Variants in TBCD observed in about 807,000 individuals in gnomAD.
TBCD encodes tubulin folding cofactor D, also known as tubulin-specific chaperone D.
TBCD carries 105 observed loss-of-function variants against 169.3 expected under a neutral mutation model. The ratio of observed to expected loss-of-function variants is 0.62; its 90% CI spans 0.53 to 0.73. TBCD has a LOEUF of 0.73. Among genes scored for constraint, TBCD ranks in the 30% least tolerant of loss-of-function variants. The pLI, the probability that TBCD is intolerant of heterozygous loss-of-function variation, is 0.00. For synonymous variants in TBCD, 700 were observed against 643.9 expected (o/e 1.09, Z -1.32); for missense variants, 1,444 against 1,600.1 (o/e 0.90, Z 1.66).
chr17:82,867,123 G>A (rs1320279843), intron 13 of TBCD, among the ~76,000 whole-genome samples: 1 of 152,218 alleles, frequency 6.6e-6, no homozygotes, highest in Non-Finnish European at 1.5e-5. Context: ...CTCCCCTACC[G>A]AGGTCAGGTC....
chr17:82,900,492 T>C (rs2059813568), intron 17 of TBCD, 159 bp from the exon 18 acceptor site: 1 of 622,794 alleles, frequency 1.6e-6, no homozygotes. Context: ...GATGCTCTTT[T>C]CTTTTGGGTA....
In TBCD at chr17:82,832,769, GGAGC is replaced by G. The variant is rs1307787171; in HGVS notation, c.1318+17836_1318+17839del. ...GGGCTGAAACTGCCTGCTCCTGAGGGGAGCAGCTGCCGGTCACAGAAGCAGCCCT... is the reference window on the plus strand; with the variant it reads ...GGGCTGAAACTGCCTGCTCCTGAGGGAGCTGCCGGTCACAGAAGCAGCCCT... On this transcript the variant is annotated intron_variant, in intron 13 of 38. Coordinates refer to ENST00000355528, the MANE Select transcript of TBCD (RefSeq NM_005993.5). The surrounding 1 kb of genome is among the most constrained non-coding windows in gnomAD (Gnocchi z 4.9). The G allele has an allele frequency of 2.3e-6, 1 of 438,906 alleles. No individual in the cohort carries two copies. The highest frequency in any genetic ancestry group is 2.0e-5 in the African/African-American group (1 of 50,270). 27.2% of individuals were successfully genotyped at this position (438,906 alleles called of 1,614,324 possible).
rs1158149434 is a variant in TBCD at position 82,889,673 on chromosome 17, CT to C, written c.1541del (p.Phe514SerfsTer18). The stretch of plus-strand genomic sequence containing the variant: ...GTTTGTTCTTTGCTCCGCAGGCCGC[CT>C]TCCAGGAGAATGTGGGGAGACAGGT... ...INCRRAASAA[F>X]QENVGRQGTF... On this transcript the variant is annotated frameshift_variant, in exon 16 of 39. Transcript: ENST00000355528. LOFTEE classifies it high-confidence loss of function. This position sits in a 1 kb window ranked among gnomAD's most constrained non-coding sequence, Gnocchi z 5.3. 6.2e-7 allele frequency: 1 copy of C among 1,613,834 alleles called. No homozygotes were observed. Among genetic ancestry groups the C allele is most frequent in the Non-Finnish European group, 8.5e-7 (1 of 1,179,830 alleles).
intron 6 of TBCD, among the ~76,000 whole-genome samples, chr17:82,775,624 G>A (rs2048548432): frequency 6.6e-6 from 1 of 151,758 alleles, no homozygotes; most frequent in African/African-American, 2.4e-5. Context: ...AACTGAGCTT[G>A]CCAACATCCA....
chr17:82,862,347 T>C (rs2056840523), intron 13 of TBCD, among the ~76,000 whole-genome samples: 1 of 151,736 alleles, frequency 6.6e-6, no homozygotes, highest in South Asian at 2.1e-4. Flanking sequence ...TGTGGAAGAG[T>C]TGGGTCAGGA....
intron 8 of TBCD, among the ~76,000 whole-genome samples, chr17:82,800,630 C>T (rs2050443179): frequency 6.6e-6 from 1 of 152,140 alleles, no homozygotes; most frequent in Non-Finnish European, 1.5e-5. Flanking sequence ...AGATTGGCTC[C>T]CTGCCCTCTG....
intron 23 of TBCD, among the ~76,000 whole-genome samples, chr17:82,917,169 G>A (rs753501629): frequency 8.6e-5 from 13 of 151,906 alleles, no homozygotes; most frequent in African/African-American, 2.2e-4. Context: ...ACAGGCATGC[G>A]CCACCACACC....
intron 7 of TBCD, chr17:82,795,408 G>A (rs1002290208): frequency 2.1e-5 from 7 of 334,380 alleles, no homozygotes; most frequent in African/African-American, 8.9e-5. Flanking sequence ...TTTGTCCTGC[G>A]TCCGCCCACA....
At chr17:82,791,546 A>C (rs931434231) in intron 7 of TBCD, among the ~76,000 whole-genome samples, 15 of 152,200 alleles carry the variant, frequency 9.9e-5, no homozygotes, top group African/African-American at 3.6e-4. Context: ...GTGGTCACAC[A>C]CACCTGAACG....
intron 34 of TBCD, among the ~76,000 whole-genome samples, chr17:82,936,396 C>T (rs2062630147): frequency 6.6e-6 from 1 of 152,198 alleles, no homozygotes; most frequent in Non-Finnish European, 1.5e-5. Context: ...TCCTTCCGTG[C>T]CCGGTGTTCA....
rs908528720 is a variant in TBCD, at chr17:82,887,178, C to CGT, written c.1534-2489_1534-2488insTG. ...GTGTGTGTGTGTGTGTGCGCGCGCG[C>CGT]GCACGTGCGCTCACGCGTTTACTTC... On this transcript the variant is annotated intron_variant, in intron 15 of 38. Coordinates refer to ENST00000355528, the MANE Select transcript of TBCD (RefSeq NM_005993.5). 3.3e-4 allele frequency among the ~76,000 whole-genome samples: 27 copies of CGT among 81,182 alleles called. 1 individual carries two copies. The highest frequency in any genetic ancestry group is 3.7e-4 in the Non-Finnish European group (15 of 40,182). The allele number at this position is 81,182 out of a possible 152,430, so 53.3% of individuals were successfully genotyped here. A position where few individuals can be genotyped will look rare whatever the true frequency, so the allele number is the denominator to read the frequency against.
intron 4 of TBCD, among the ~76,000 whole-genome samples, chr17:82,767,042 CGGTTTGTGCAGATTGAGCCAGCGA>C (rs951823111): frequency 6.6e-6 from 1 of 152,230 alleles, no homozygotes; most frequent in African/African-American, 2.4e-5. Context: ...GTAAAGCACA[CGGTTTGTGCAGATTGAGCCAGCGA>C]GGGACCTCAT....
intron 6 of TBCD, among the ~76,000 whole-genome samples, chr17:82,775,760 A>T (rs1220358316): frequency 1.3e-5 from 1 of 74,316 alleles, no homozygotes; most frequent in Admixed American, 1.7e-4. Flanking sequence ...GGGAGGGGGG[A>T]GGGATAGCAT....
intron 1 of TBCD, among the ~76,000 whole-genome samples, chr17:82,754,530 C>T (rs1032721366): frequency 1.3e-5 from 2 of 152,220 alleles, no homozygotes; most frequent in African/African-American, 2.4e-5. Flanking sequence ...TACGCCTTAG[C>T]GGAATTCAGG....
At chr17:82,900,447 T>C in intron 17 of TBCD, 1 of 521,514 alleles carries the variant, frequency 1.9e-6, no homozygotes, top group South Asian at 2.7e-5. Flanking sequence ...CACATGAAGC[T>C]GTGTGCACGT....
chr17:82,926,853 C>G, intron 28 of TBCD: 11 of 494,398 alleles, frequency 2.2e-5, no homozygotes, highest in Non-Finnish European at 2.5e-5. Flanking sequence ...CCTGCAGGCA[C>G]ACAAGAGGAG....
intron 11 of TBCD, among the ~76,000 whole-genome samples, chr17:82,809,079 A>G (rs1480052342): frequency 6.6e-6 from 1 of 152,022 alleles, no homozygotes; most frequent in Non-Finnish European, 1.5e-5. Flanking sequence ...AGGGCTGTGC[A>G]GGGGCTCACA....
chr17:82,791,106 T>G (rs1373809920), intron 7 of TBCD, among the ~76,000 whole-genome samples: 1 of 150,428 alleles, frequency 6.6e-6, no homozygotes, highest in Non-Finnish European at 1.5e-5. Context: ...TTTTTTTTTT[T>G]TTTTAGACGG....
rs1252614176 is a variant in TBCD, at chr17:82,752,395, C to T, written c.184+18C>T. On this transcript the variant is annotated intron_variant, in intron 1 of 38. Transcript: ENST00000355528. ...GTTCCGCGGTGCGTGGGCGGCGCCGCGTGCCCGCTTCCTCCCCCGGCCCGG... is the reference window on the plus strand; with the variant it reads ...GTTCCGCGGTGCGTGGGCGGCGCCGTGTGCCCGCTTCCTCCCCCGGCCCGG... 2 of 1,223,318 alleles carry T rather than the reference C, an allele frequency of 1.6e-6. No homozygotes were observed. Among genetic ancestry groups the T allele is most frequent in the Admixed American group, 8.8e-5 (2 of 22,744 alleles). 75.8% of individuals were successfully genotyped at this position (1,223,318 alleles called of 1,614,324 possible).
Sources: allele counts gnomAD v4.1 joint callset (sites outside exome capture counted in the v4.1 genomes callset), GRCh38; gene constraint gnomAD v4.1.1; non-coding constraint Gnocchi (gnomAD v3.1); transcripts MANE v1.5; gene names NCBI Gene and HGNC (gene_info 2026-07-23, HGNC 2026-07-21).